The following C22orf42 variants were observed in gnomAD, a reference collection of about 807,000 sequenced individuals.
C22orf42 encodes the protein uncharacterized protein C22orf42.
A neutral mutation model predicts 31.4 loss-of-function variants in C22orf42; 24 were observed. The ratio of observed to expected loss-of-function variants is 0.77; its 90% CI spans 0.55 to 1.08. The LOEUF is 1.08. C22orf42 is among the 50% of genes least tolerant of loss of function. The pLI is 0.00. For missense variants in C22orf42, 276 were observed against 327.3 expected (o/e 0.84, Z 1.21); for synonymous variants, 96 against 112.7 (o/e 0.85, Z 0.94).
In C22orf42 at chr22:32,159,300, G is replaced by T. The variant is rs186813867; in HGVS notation, c.-85C>A. On this transcript the variant is annotated 5_prime_UTR_variant, in exon 1 of 9. Coordinates refer to ENST00000382097, the MANE Select transcript of C22orf42 (RefSeq NM_001010859.3). ...CCTCCTCCTTCTACGGCCAGCTACC[G>T]ACTGAAGGCTGCTGGCCCTGGCCGT... 8 of 1,543,884 alleles carry T rather than the reference G, an allele frequency of 5.2e-6. No homozygotes were observed. The highest frequency in any genetic ancestry group is 3.8e-5 in the Admixed American group (2 of 52,618).
intron 1 of C22orf42, among the ~76,000 whole-genome samples, chr22:32,156,145 T>A (rs1316026217): frequency 2.1e-5 from 3 of 144,970 alleles, no homozygotes; most frequent in East Asian, 1.9e-4. Context: ...CTAAAGGAAA[T>A]TTTTTTTAAA....
Position 32,149,575 on chromosome 22 carries a change from T to C in C22orf42, c.721A>G (p.Ile241Val). The C allele has an allele frequency of 6.5e-7, 1 of 1,532,968 alleles. No individual in the cohort carries two copies. Among genetic ancestry groups the C allele is most frequent in the Non-Finnish European group, 8.8e-7 (1 of 1,135,350 alleles). 95.0% of individuals were successfully genotyped at this position (1,532,968 alleles called of 1,614,324 possible). ...AGAAGTCCTAGAACCTGGCTGCTGA[T>C]GGGTTCATTGAGCCGAGACCGTGCC... is the stretch of plus-strand genomic sequence containing the variant. ...KMARSRLNEP[I>V]SSQVLGLLRL Residue 241 changes from isoleucine to valine, a missense_variant, in exon 9 of 9, where the codon ATC (isoleucine) becomes GTC (valine). Transcript: ENST00000382097.
In C22orf42 at chr22:32,150,466, A is replaced by C. The variant is rs768768300; in HGVS notation, c.507T>G (p.Asp169Glu). 6.2e-7 allele frequency: 1 copy of C among 1,614,146 alleles called. No homozygotes were observed. Among genetic ancestry groups the C allele is most frequent in the Non-Finnish European group, 8.5e-7 (1 of 1,180,024 alleles). Reference sequence around the variant, plus strand: ...GACAGACAGATAGGCTTTCACTGAGATCTTCGACCAAATCTAGGAGAACAT... The same window carrying C: ...GACAGACAGATAGGCTTTCACTGAGCTCTTCGACCAAATCTAGGAGAACAT... ...EAKHDHHLVE[D>E]LSESLSVCLE... The change falls in exon 7 of 9, where the codon GAT becomes GAG. Residue 169 changes from aspartate to glutamate, a missense_variant. Coordinates refer to ENST00000382097, the MANE Select transcript of C22orf42 (RefSeq NM_001010859.3).
chr22:32,152,064 T>G lies in C22orf42; in HGVS notation c.400+3A>C. 2 of 1,602,426 alleles carry G rather than the reference T, an allele frequency of 1.2e-6. No individual in the cohort carries two copies. Reference sequence around the variant, plus strand: ...TAAAGCTGTTTAAAAAAAAAATACGTACGGTGGTCGTGCTTGGCCTCAGGT... The same window carrying G: ...TAAAGCTGTTTAAAAAAAAAATACGGACGGTGGTCGTGCTTGGCCTCAGGT... On this transcript the variant is annotated splice_donor_region_variant and intron_variant, in intron 4 of 8. Transcript: ENST00000382097.
At chr22:32,154,190 A>C (rs1921134275) in intron 2 of C22orf42, 54 bp downstream of exon 2, 1 of 1,601,486 alleles carries the variant, frequency 6.2e-7, no homozygotes, top group Admixed American at 1.7e-5. Context: ...GCACTGAATG[A>C]ATAAACTGGA....
At chr22:32,154,208 G>T in intron 2 of C22orf42, 36 bp downstream of exon 2, 1 of 1,607,796 alleles carries the variant, frequency 6.2e-7, no homozygotes, top group Non-Finnish European at 8.5e-7. Context: ...GGAATTGTTT[G>T]CTTAAATGAA....
At chr22:32,149,650 A>AT (rs776311321) in intron 8 of C22orf42, 37 bp from the exon 9 acceptor site, 17,118 of 1,189,082 alleles carry the variant, frequency 0.014, 47 homozygotes, top group Non-Finnish European at 0.016. Flanking sequence ...TCAAAAAAAA[A>AT]ATATATATAT....
Position 32,152,111 on chromosome 22 carries a change from G to T in C22orf42, c.373-17C>A. ...AGGTATTTCCTGCAATAAGAGAAAA[G>T]AAAAAGAAACACCATGAGGATCAGA... is the stretch of plus-strand genomic sequence containing the variant. On this transcript the variant is annotated splice_polypyrimidine_tract_variant and intron_variant, in intron 3 of 8. Transcript: ENST00000382097. 9.4e-6 allele frequency: 15 copies of T among 1,603,994 alleles called. No individual in the cohort carries two copies. The highest frequency in any genetic ancestry group is 1.4e-5 in the African/African-American group (1 of 73,974).
intron 5 of C22orf42, 104 bp from the exon 6 acceptor site, chr22:32,151,123 G>T: frequency 8.4e-7 from 1 of 1,192,374 alleles, no homozygotes; most frequent in East Asian, 2.3e-5. Flanking sequence ...AACCGGATGT[G>T]AAACAGTGAT....
intron 1 of C22orf42, among the ~76,000 whole-genome samples, chr22:32,154,996 A>G (rs35766187): frequency 0.22 from 34,218 of 152,196 alleles, 3,934 homozygotes; most frequent in Middle Eastern, 0.29. Flanking sequence ...CCTGAGGGAC[A>G]GGCAGAGCAG....
rs566985292 is a variant in C22orf42 at position 32,149,736 on chromosome 22, G to C, written c.682+17C>G. 2 of 1,303,920 alleles carry C rather than the reference G, an allele frequency of 1.5e-6. No individual in the cohort carries two copies. Among genetic ancestry groups the C allele is most frequent in the South Asian group, 2.1e-5 (1 of 46,980 alleles). 80.8% of individuals were successfully genotyped at this position (1,303,920 alleles called of 1,614,324 possible). On this transcript the variant is annotated intron_variant, in intron 8 of 8. Coordinates refer to ENST00000382097, the MANE Select transcript of C22orf42 (RefSeq NM_001010859.3). ...CTACATATATATCTATATATATCTA[G>C]ATATATATATACTTACAGAGGTAAT...
intron 1 of C22orf42, 91 bp from the exon 2 acceptor site, chr22:32,154,409 A>C (rs1921149655): frequency 7.5e-7 from 1 of 1,330,304 alleles, no homozygotes; most frequent in South Asian, 1.5e-5. Flanking sequence ...GATAGCAGAG[A>C]AATTAGTAAA....
At chr22:32,151,844 C>T (rs1252765631) in intron 4 of C22orf42, among the ~76,000 whole-genome samples, 1 of 152,122 alleles carries the variant, frequency 6.6e-6, no homozygotes, top group African/African-American at 2.4e-5. Flanking sequence ...GAAGTACATT[C>T]GTGGCTGCCT....
At chr22:32,151,816 G>A (rs1450993701) in intron 4 of C22orf42, among the ~76,000 whole-genome samples, 3 of 152,162 alleles carry the variant, frequency 2.0e-5, no homozygotes, top group Admixed American at 6.5e-5. Flanking sequence ...ACAGAAAGGC[G>A]CTGTACTATA....
intron 1 of C22orf42, among the ~76,000 whole-genome samples, chr22:32,157,422 C>T (rs1024259447): frequency 6.6e-6 from 1 of 151,582 alleles, no homozygotes; most frequent in African/African-American, 2.4e-5. Flanking sequence ...AAGGCCTTAG[C>T]CCATCATATT....
intron 7 of C22orf42, among the ~76,000 whole-genome samples, 163 bp downstream of exon 7, chr22:32,150,156 C>T (rs1050786356): frequency 2.0e-5 from 3 of 152,056 alleles, no homozygotes; most frequent in Admixed American, 6.6e-5. Context: ...ACCTGGTGGA[C>T]GATGGCAATC....
intron 7 of C22orf42, 114 bp downstream of exon 7, chr22:32,150,205 A>T (rs2094110143): frequency 9.0e-7 from 1 of 1,108,020 alleles, no homozygotes. Flanking sequence ...CAACAAAAAA[A>T]TTGTATTTGT....
At chr22:32,160,387 G>C (rs1282963291), upstream of C22orf42, 1 of 152,126 alleles carries the variant, frequency 6.6e-6, no homozygotes, top group Admixed American at 6.6e-5. Flanking sequence ...TGCCAATACT[G>C]CATGTGTGAA....
chr22:32,151,916 G>C, intron 4 of C22orf42, 151 bp downstream of exon 4: 1 of 770,432 alleles, frequency 1.3e-6, no homozygotes, highest in Non-Finnish European at 2.1e-6. Context: ...GTTTCTTTGA[G>C]GGGGAATAAA....
Sources: allele counts gnomAD v4.1 joint callset (sites outside exome capture counted in the v4.1 genomes callset), GRCh38; gene constraint gnomAD v4.1.1; transcripts MANE v1.5; gene names NCBI Gene and HGNC (gene_info 2026-07-23, HGNC 2026-07-21).